The following IMMP2L variants were observed in gnomAD, a reference collection of about 807,000 sequenced individuals.
IMMP2L encodes the protein mitochondrial inner membrane protease subunit 2.
In IMMP2L, 18 loss-of-function variants were observed where a neutral mutation model predicts 19.3. The observed-to-expected ratio is 0.93, with a 90% confidence interval of 0.64 to 1.38. IMMP2L has a LOEUF of 1.38. Among genes scored for constraint, IMMP2L ranks in the 40% most tolerant of loss-of-function variants. IMMP2L has a pLI of 0.00. For missense variants in IMMP2L, 233 were observed against 218.2 expected, an observed-to-expected ratio of 1.07 and a Z score of -0.43; for synonymous variants, 76 against 73.0, an observed-to-expected ratio of 1.04 and a Z score of -0.21.
chr7:110,954,450 AT>A (rs1178547259), intron 4 of IMMP2L, among the ~76,000 whole-genome samples: 1 of 152,140 alleles, frequency 6.6e-6, no homozygotes, highest in Non-Finnish European at 1.5e-5. Context: ...CACAGGAAAT[AT>A]TCAAGGCACT....
At chr7:110,981,427 T>C (rs1315665600) in intron 3 of IMMP2L, among the ~76,000 whole-genome samples, 2 of 152,074 alleles carry the variant, frequency 1.3e-5, no homozygotes, top group South Asian at 2.1e-4. Context: ...TAAAACTTTA[T>C]AGTAAGAATG....
At chr7:110,673,169 G>A (rs1792041864) in intron 5 of IMMP2L, among the ~76,000 whole-genome samples, 2 of 152,346 alleles carry the variant, frequency 1.3e-5, no homozygotes, top group East Asian at 1.9e-4. Context: ...TGACTTCTAT[G>A]CATCTGCAGG....
At chr7:111,527,482 T>A (rs1380908769) in intron 1 of IMMP2L, among the ~76,000 whole-genome samples, 1 of 151,798 alleles carries the variant, frequency 6.6e-6, no homozygotes, top group Non-Finnish European at 1.5e-5. Context: ...TTTATTTCTA[T>A]AACTTTTTAT....
rs374128228 is a variant in IMMP2L at position 111,548,764 on chromosome 7, T to C, written c.-3+13087A>G. On this transcript the variant is annotated intron_variant, in intron 1 of 5. Transcript: ENST00000405709. ...TCAATACAACACCTCCCTCAGGAAT[T>C]TAACTTTACAAGCCTATTTCTATTC... Among the ~76,000 whole-genome samples the C allele has an allele frequency of 2.4e-3, 367 of 152,274 alleles. 3 individuals carry two copies. The highest frequency in any genetic ancestry group is 8.4e-3 in the African/African-American group (349 of 41,554).
chr7:111,257,750 G>A (rs1816870996), intron 3 of IMMP2L, among the ~76,000 whole-genome samples: 1 of 151,740 alleles, frequency 6.6e-6, no homozygotes, highest in African/African-American at 2.4e-5. Flanking sequence ...AAAATATACG[G>A]CCTATACATC....
At chr7:111,120,630 G>A (rs1293908088) in intron 3 of IMMP2L, among the ~76,000 whole-genome samples, 1 of 152,090 alleles carries the variant, frequency 6.6e-6, no homozygotes, top group Non-Finnish European at 1.5e-5. Flanking sequence ...AAATAAAACA[G>A]CCAAATGTTA....
intron 3 of IMMP2L, among the ~76,000 whole-genome samples, chr7:111,064,308 C>A (rs1298258709): frequency 6.6e-6 from 1 of 152,114 alleles, no homozygotes; most frequent in East Asian, 1.9e-4. Context: ...GTGTGAGTTA[C>A]AAAATGAGAT....
At position 110,936,430 on chromosome 7, in the gene IMMP2L, C is replaced by G. The variant is rs573752449; in HGVS notation, c.305+27070G>C. 1.8e-4 allele frequency among the ~76,000 whole-genome samples: 28 copies of G among 152,194 alleles called. 1 individual carries two copies. The highest frequency in any genetic ancestry group is 6.7e-4 in the African/African-American group (28 of 41,530). ...TTGCCAAAAGAATACATTTATGTGG[C>G]CAACAAACACATGGAAAAAAGCTCA... On this transcript the variant is annotated intron_variant, in intron 4 of 5. Coordinates refer to ENST00000405709, the MANE Select transcript of IMMP2L (RefSeq NM_032549.4).
At chr7:111,025,053 C>G (rs893381051) in intron 3 of IMMP2L, among the ~76,000 whole-genome samples, 1 of 152,246 alleles carries the variant, frequency 6.6e-6, no homozygotes, top group African/African-American at 2.4e-5. Context: ...GTTCATCTAT[C>G]TCTTTCATTC....
At chr7:111,446,770 G>A (rs1838499186) in intron 3 of IMMP2L, among the ~76,000 whole-genome samples, 1 of 152,108 alleles carries the variant, frequency 6.6e-6, no homozygotes. Flanking sequence ...AGCTACGGGA[G>A]GACATTCAAA....
intron 3 of IMMP2L, among the ~76,000 whole-genome samples, chr7:111,304,961 TAA>T (rs1822703423): frequency 6.6e-6 from 1 of 152,054 alleles, no homozygotes. Flanking sequence ...ATAATCTACC[TAA>T]GAGAGAGGGC....
intron 3 of IMMP2L, among the ~76,000 whole-genome samples, chr7:111,055,802 C>G (rs2041659): frequency 0.77 from 116,765 of 152,130 alleles, 47,778 homozygotes; most frequent in Non-Finnish European, 0.9. Flanking sequence ...ATCAGCCTAA[C>G]CAGTAACTAT....
intron 1 of IMMP2L, among the ~76,000 whole-genome samples, chr7:111,527,738 C>G (rs1847016274): frequency 6.6e-6 from 1 of 152,246 alleles, no homozygotes; most frequent in African/African-American, 2.4e-5. Context: ...TGCTCTTTCA[C>G]TTCTCATTTC....
At chr7:110,887,447 A>G (rs891634341) in intron 4 of IMMP2L, among the ~76,000 whole-genome samples, 8 of 152,052 alleles carry the variant, frequency 5.3e-5, no homozygotes, top group African/African-American at 1.7e-4. Context: ...TTTTAGGCCA[A>G]TTTTTGGTAC....
intron 3 of IMMP2L, among the ~76,000 whole-genome samples, chr7:111,023,543 C>CAAAAAAAAA (rs5886587): frequency 1.1e-4 from 14 of 133,086 alleles, no homozygotes; most frequent in African/African-American, 3.9e-4. Flanking sequence ...ACTAAAAATA[C>CAAAAAAAAA]AAAAAAAAAA....
chr7:111,155,474 T>G (rs1804536711), intron 3 of IMMP2L, among the ~76,000 whole-genome samples: 1 of 152,078 alleles, frequency 6.6e-6, no homozygotes, highest in African/African-American at 2.4e-5. Flanking sequence ...ATTGGAACAT[T>G]AGAATAGGTG....
chr7:111,116,213 A>C (rs1260510584), intron 3 of IMMP2L, among the ~76,000 whole-genome samples: 2 of 152,192 alleles, frequency 1.3e-5, no homozygotes. Flanking sequence ...AGAGGAATGG[A>C]AACAGCACAT....
intron 3 of IMMP2L, among the ~76,000 whole-genome samples, chr7:111,088,161 T>C (rs1346471910): frequency 6.6e-6 from 1 of 152,076 alleles, no homozygotes; most frequent in African/African-American, 2.4e-5. Context: ...TTTGATGAAA[T>C]AGCAATAAAC....
intron 3 of IMMP2L, among the ~76,000 whole-genome samples, chr7:111,295,923 G>A (rs11534045): frequency 0.33 from 48,213 of 148,302 alleles, 8,502 homozygotes; most frequent in South Asian, 0.6. Context: ...TAAAACTTTC[G>A]GAACACATAG....
Sources: gnomAD v4.1 joint callset for allele counts (sites outside exome capture counted in the v4.1 genomes callset) on GRCh38, gnomAD v4.1.1 for gene constraint, MANE v1.5 for transcripts, NCBI Gene and HGNC (gene_info 2026-07-23, HGNC 2026-07-21) for gene names.